Variants in VSIG1 observed in about 807,000 individuals in gnomAD.
VSIG1 encodes the protein V-set and immunoglobulin domain containing 1, also known as V-set and immunoglobulin domain-containing protein 1.
Under a neutral mutation model 20.1 loss-of-function variants are expected in VSIG1, and 11 were observed. That is an observed-to-expected ratio of 0.55 (90% CI 0.34 to 0.91). The LOEUF is 0.91. Ranked by LOEUF, VSIG1 falls within the 40% of genes least tolerant of loss-of-function variation. The pLI, the probability that VSIG1 is intolerant of heterozygous loss-of-function variation, is 0.02. For missense variants in VSIG1, 283 were observed against 298.8 expected (o/e 0.95, Z 0.39); for synonymous variants, 126 against 116.7 (o/e 1.08, Z -0.52).
chrX:108,030,267 A>G, the VSIG1 span, among the ~76,000 whole-genome samples: 1 of 112,192 alleles, frequency 8.9e-6, no homozygotes, highest in Admixed American at 9.5e-5. Flanking sequence ...GAAAGGCCAG[A>G]GAACTCCAAA....
At position 108,047,807 on chromosome X, in the gene VSIG1, T is replaced by TAC. The variant is rs1392304272; in HGVS notation, c.49+2630_49+2631dup. 1.0e-3 allele frequency among the ~76,000 whole-genome samples: 51 copies of TAC among 50,835 alleles called. 6 individuals carry two copies. Among genetic ancestry groups the TAC allele is most frequent in the African/African-American group, 3.9e-3 (47 of 11,995 alleles). The allele number at this position is 50,835 out of a possible 115,157, so 44.1% of individuals were successfully genotyped here. On this transcript the variant is annotated intron_variant, in intron 1 of 6. Coordinates refer to ENST00000217957, the MANE Select transcript of VSIG1 (RefSeq NM_182607.5). ...CTCTCTCTCTATATATATATATATA[T>TAC]ACATATATATATACATATATATACA...
Position 108,067,079 on chromosome X carries a change from C to A in VSIG1, c.357C>A (p.Asn119Lys). Residue 119 changes from asparagine to lysine, a missense_variant, in exon 3 of 7, where the codon AAC becomes AAA. Transcript: ENST00000217957. The part of the protein sequence containing the change: ...ADSGIYICDV[N>K]NPPDFLGQNQ... ...GTGGAATTTACATCTGCGATGTTAA[C>A]AACCCCCCAGACTTTCTCGGCCAAA... is the stretch of plus-strand genomic sequence containing the variant. The A allele has an allele frequency of 8.3e-7, 1 of 1,211,520 alleles. No individual in the cohort carries two copies. Among genetic ancestry groups the A allele is most frequent in the Non-Finnish European group, 1.1e-6 (1 of 895,395 alleles).
intron 2 of VSIG1, among the ~76,000 whole-genome samples, chrX:108,063,782 G>A (rs1023571900): frequency 2.7e-5 from 3 of 111,241 alleles, no homozygotes; most frequent in African/African-American, 9.8e-5. Flanking sequence ...GAGAAAGCAG[G>A]GCAGTCTACC....
chrX:108,076,943 G>A (rs893154793), intron 6 of VSIG1, 105 bp from the exon 7 acceptor site: 3 of 801,804 alleles, frequency 3.7e-6, no homozygotes, highest in Non-Finnish European at 5.4e-6. Context: ...ATTTCCTGAA[G>A]TCTGGGACCT....
At chrX:108,055,338 C>G (rs1451431371) in intron 1 of VSIG1, among the ~76,000 whole-genome samples, 1 of 111,589 alleles carries the variant, frequency 9.0e-6, no homozygotes, top group Non-Finnish European at 1.9e-5. Context: ...CAAAATAAAT[C>G]TCCAGGCCTA....
chrX:108,054,799 A>G (rs1198905810), intron 1 of VSIG1, among the ~76,000 whole-genome samples: 5 of 110,026 alleles, frequency 4.5e-5, no homozygotes, highest in Admixed American at 3.0e-4. Flanking sequence ...TGAAATATGT[A>G]CCATGTAGAT....
chrX:108,067,632 T>C (rs1602579902), intron 3 of VSIG1, among the ~76,000 whole-genome samples: 1 of 112,598 alleles, frequency 8.9e-6, no homozygotes, highest in Non-Finnish European at 1.9e-5. Flanking sequence ...GGACTGAAAT[T>C]AATCTAGTGT....
chrX:108,047,855 T>TATATATATATACACATATATATATAC (rs1569287117), intron 1 of VSIG1, among the ~76,000 whole-genome samples: 10 of 39,561 alleles, frequency 2.5e-4, no homozygotes, highest in Admixed American at 4.8e-4. Context: ...CATATATATA[T>TATATATATATACACATATATATATAC]ACACATATAT....
chrX:108,054,170 TAAAC>T (rs1673227488), intron 1 of VSIG1, among the ~76,000 whole-genome samples: 1 of 111,851 alleles, frequency 8.9e-6, no homozygotes, highest in South Asian at 3.7e-4. Flanking sequence ...TTAAAAGAGA[TAAAC>T]AGAGACATTA....
chrX:108,074,096 A>C (rs747260527), intron 5 of VSIG1, among the ~76,000 whole-genome samples: 1 of 111,653 alleles, frequency 9.0e-6, no homozygotes, highest in Non-Finnish European at 1.9e-5. Flanking sequence ...GGAATATCTC[A>C]CCAAACATCT....
the VSIG1 span, among the ~76,000 whole-genome samples, chrX:108,028,315 A>G: frequency 9.1e-6 from 1 of 109,673 alleles, no homozygotes; most frequent in Non-Finnish European, 1.9e-5. Context: ...ATTTATTCTT[A>G]CAAATTTATC....
chrX:108,066,464 C>T (rs1027280745), intron 2 of VSIG1, among the ~76,000 whole-genome samples: 4 of 111,212 alleles, frequency 3.6e-5, no homozygotes, highest in African/African-American at 9.8e-5. Flanking sequence ...GGAGCATGAA[C>T]ATTTGAACAT....
chrX:108,069,366 T>C (rs2031194167), intron 3 of VSIG1, among the ~76,000 whole-genome samples: 1 of 111,832 alleles, frequency 8.9e-6, no homozygotes, highest in African/African-American at 3.3e-5. Flanking sequence ...AAATATTGTT[T>C]TTGTTAATTG....
intron 3 of VSIG1, among the ~76,000 whole-genome samples, chrX:108,070,757 G>A (rs2031221722): frequency 1.8e-5 from 2 of 112,231 alleles, no homozygotes; most frequent in African/African-American, 6.5e-5. Flanking sequence ...GAAAATCTTT[G>A]ATAAGAAAGA....
chrX:108,030,933 A>G, the VSIG1 span, among the ~76,000 whole-genome samples: 1 of 112,160 alleles, frequency 8.9e-6, no homozygotes, highest in African/African-American at 3.2e-5. Context: ...ATAAAAGGAG[A>G]CAAAGTTTCA....
the VSIG1 span, among the ~76,000 whole-genome samples, chrX:108,019,874 C>T: frequency 9.0e-5 from 10 of 111,456 alleles, no homozygotes; most frequent in African/African-American, 2.9e-4. Flanking sequence ...GACTCTACCA[C>T]GGCTAGGATT....
intron 1 of VSIG1, among the ~76,000 whole-genome samples, chrX:108,050,728 A>C: frequency 9.0e-6 from 1 of 111,579 alleles, no homozygotes; most frequent in Non-Finnish European, 1.9e-5. Context: ...TTGTGGTCTC[A>C]GGACAATTTT....
chrX:108,031,281 G>A, the VSIG1 span, among the ~76,000 whole-genome samples: 10 of 112,323 alleles, frequency 8.9e-5, no homozygotes, highest in African/African-American at 3.2e-4. Flanking sequence ...AGACCTTTCA[G>A]TAGGAGACAA....
chrX:108,026,852 G>A, the VSIG1 span, among the ~76,000 whole-genome samples: 1 of 111,543 alleles, frequency 9.0e-6, no homozygotes, highest in Middle Eastern at 4.6e-3. Context: ...CTCTGAAAGA[G>A]GAAATAAACT....
Sources: gnomAD v4.1 joint callset for allele counts (sites outside exome capture counted in the v4.1 genomes callset) on GRCh38, gnomAD v4.1.1 for gene constraint, MANE v1.5 for transcripts, NCBI Gene and HGNC (gene_info 2026-07-23, HGNC 2026-07-21) for gene names.